LYPD5: variants seen among roughly 807,000 people sequenced by gnomAD.
LYPD5 encodes the protein ly6/PLAUR domain-containing protein 5.
In LYPD5, 21 loss-of-function variants were observed where a neutral mutation model predicts 19.1. That is an observed-to-expected ratio of 1.10 (90% confidence interval 0.78 to 1.58). The LOEUF is 1.58. Among genes scored for constraint, LYPD5 ranks in the 40% most tolerant of loss-of-function variants. The probability of loss-of-function intolerance (pLI) is 0.00; values close to 1 mark genes in which losing one functional copy is unlikely to be tolerated. For missense variants in LYPD5, 287 were observed against 329.8 expected (o/e 0.87, Z 1.00); for synonymous variants, 128 against 142.7 (o/e 0.90, Z 0.74).
upstream of LYPD5, among the ~76,000 whole-genome samples, chr19:43,804,798 C>T (rs1970256851): frequency 6.6e-6 from 1 of 152,126 alleles, no homozygotes; most frequent in South Asian, 2.1e-4. Flanking sequence ...AGAGTGGAGT[C>T]TGGCCAGGAA....
At chr19:43,810,259 T>C (rs1295569398) in intron 1 of LYPD5, among the ~76,000 whole-genome samples, 1 of 152,144 alleles carries the variant, frequency 6.6e-6, no homozygotes, top group African/African-American at 2.4e-5. Context: ...CTTGCCTTAT[T>C]GTATAGGCTA....
intron 1 of LYPD5, among the ~76,000 whole-genome samples, chr19:43,813,283 T>C (rs949587135): frequency 6.6e-6 from 1 of 152,106 alleles, no homozygotes; most frequent in Non-Finnish European, 1.5e-5. Context: ...ATGCAAGATC[T>C]GGTTGTTAAA....
At chr19:43,819,606 G>T (rs576926760) in intron 1 of LYPD5, among the ~76,000 whole-genome samples, 2 of 152,032 alleles carry the variant, frequency 1.3e-5, no homozygotes, top group Admixed American at 1.3e-4. Flanking sequence ...CTAGACCCCC[G>T]TTGGAAAAAA....
At chr19:43,798,637 G>A in intron 3 of LYPD5, 36 bp from the exon 4 acceptor site, 1 of 1,609,754 alleles carries the variant, frequency 6.2e-7, no homozygotes, top group Non-Finnish European at 8.5e-7. Context: ...TCAGGCAGTG[G>A]TACCCTGGCA....
intron 1 of LYPD5, among the ~76,000 whole-genome samples, chr19:43,818,407 T>C (rs1970391253): frequency 6.6e-6 from 1 of 152,188 alleles, no homozygotes; most frequent in Non-Finnish European, 1.5e-5. Context: ...CTGCTTGCTA[T>C]CAAGTGTAAT....
chr19:43,816,575 C>A lies in LYPD5; in HGVS notation c.-66+3965G>T, dbSNP rs1446115799. On this transcript the variant is annotated intron_variant, in intron 1 of 4. Coordinates refer to the LYPD5 transcript ENST00000414615. The stretch of plus-strand genomic sequence containing the variant: ...AGATCATTAAGCACATACTAAGGAC[C>A]AAAAACTAGGTTGGTCAACTCCAGT... Among the ~76,000 whole-genome samples the A allele has an allele frequency of 3.9e-5, 6 of 152,164 alleles. No homozygotes were observed. The South Asian group carries it at 8.3e-4, about 21-fold the overall frequency.
upstream of LYPD5, among the ~76,000 whole-genome samples, chr19:43,805,838 G>A (rs151311275): frequency 5.0e-3 from 757 of 152,190 alleles, no homozygotes; most frequent in Non-Finnish European, 8.2e-3. Context: ...CATTCTTCCT[G>A]CAGCATCAAT....
chr19:43,798,525 G>A lies in LYPD5; in HGVS notation c.447C>T (p.Gly149=). The change falls in exon 4 of 5, where the codon GGC becomes GGT. Residue 149 remains glycine, a synonymous_variant. Transcript: ENST00000377950. ...IGVHQDDCAI[G]RSRRVQCHQD... Reference sequence around the variant, plus strand: ...GGTGACACTGGACTCGTCGGGACCTGCCGATAGCGCAGTCATCCTGGTGGA... The same window carrying A: ...GGTGACACTGGACTCGTCGGGACCTACCGATAGCGCAGTCATCCTGGTGGA... The A allele has an allele frequency of 6.2e-7, 1 of 1,611,808 alleles. No individual in the cohort carries two copies. Among genetic ancestry groups the A allele is most frequent in the Non-Finnish European group, 8.5e-7 (1 of 1,180,030 alleles).
chr19:43,807,067 G>A (rs554797217), upstream of LYPD5, among the ~76,000 whole-genome samples: 2 of 152,228 alleles, frequency 1.3e-5, no homozygotes, highest in East Asian at 1.9e-4. Flanking sequence ...TGGATACACC[G>A]CATTCTATTT....
chr19:43,810,564 C>T (rs1224679718), intron 1 of LYPD5, among the ~76,000 whole-genome samples: 2 of 113,092 alleles, frequency 1.8e-5, no homozygotes, highest in Admixed American at 9.8e-5. Context: ...CCTTCCCCTC[C>T]CCTCCCCTCC....
intron 1 of LYPD5, among the ~76,000 whole-genome samples, chr19:43,811,840 T>A (rs1256120915): frequency 6.6e-6 from 1 of 152,160 alleles, no homozygotes; most frequent in Non-Finnish European, 1.5e-5. Context: ...TTTGCCATAT[T>A]TGCTTATTCT....
At chr19:43,818,252 T>G (rs536812109) in intron 1 of LYPD5, among the ~76,000 whole-genome samples, 2 of 152,164 alleles carry the variant, frequency 1.3e-5, no homozygotes, top group South Asian at 4.1e-4. Flanking sequence ...TTAGCTTACA[T>G]TGCCTACAGG....
At chr19:43,798,021 T>C (rs1342473692) in intron 4 of LYPD5, among the ~76,000 whole-genome samples, 192 bp from the exon 5 acceptor site, 4 of 150,928 alleles carry the variant, frequency 2.7e-5, no homozygotes, top group Admixed American at 1.3e-4. Flanking sequence ...GCCTCCTCCC[T>C]CAGACCAGGG....
intron 1 of LYPD5, among the ~76,000 whole-genome samples, chr19:43,814,776 CTGTG>C (rs745577521): frequency 4.3e-4 from 65 of 152,312 alleles, no homozygotes; most frequent in South Asian, 1.5e-3. Context: ...TCTGAGCTGT[CTGTG>C]TGTGTAACTC....
chr19:43,802,721 T>A (rs1970238959), upstream of LYPD5, among the ~76,000 whole-genome samples: 1 of 151,688 alleles, frequency 6.6e-6, no homozygotes, highest in Admixed American at 6.6e-5. Context: ...TTCCCTTCCC[T>A]CCCCCTACCC....
At position 43,797,460 on chromosome 19, in the gene LYPD5, G is replaced by C; in HGVS notation, c.*131C>G. On this transcript the variant is annotated 3_prime_UTR_variant, in exon 5 of 5. Coordinates refer to ENST00000377950, the MANE Select transcript of LYPD5 (RefSeq NM_001031749.3). ...CAGGTTGTGGGGCACAAGGGCGGGA[G>C]AGATGGAAGGCCAGAGGGACAGGAG... 1.3e-6 allele frequency: 1 copy of C among 776,640 alleles called. No individual in the cohort carries two copies. Among genetic ancestry groups the C allele is most frequent in the Non-Finnish European group, 2.1e-6 (1 of 476,114 alleles). The allele number at this position is 776,640 out of a possible 1,614,324, so 48.1% of individuals were successfully genotyped here.
intron 2 of LYPD5, 56 bp from the exon 3 acceptor site, chr19:43,799,044 C>G: frequency 6.7e-7 from 1 of 1,496,938 alleles, no homozygotes; most frequent in Non-Finnish European, 8.9e-7. Flanking sequence ...TCCCTCCAGT[C>G]TCAGCGTTCT....
chr19:43,810,899 G>A (rs1970317760), intron 1 of LYPD5, among the ~76,000 whole-genome samples: 1 of 151,886 alleles, frequency 6.6e-6, no homozygotes, highest in Non-Finnish European at 1.5e-5. Context: ...CAAAGGACTG[G>A]GATTACAGGC....
In LYPD5 at chr19:43,798,597, G is replaced by A; in HGVS notation, c.375C>T (p.Pro125=). 6.2e-7 allele frequency: 1 copy of A among 1,610,174 alleles called. No homozygotes were observed. Among genetic ancestry groups the A allele is most frequent in the Non-Finnish European group, 8.5e-7 (1 of 1,180,010 alleles). ...HDALPNLSQA[P]DPPTLSGAEC... ...CGGCGCCGCTGAGCGTCGGCGGGTC[G>A]GGTGCTGGCAAGAGAGCGTAGATGC... The change falls in exon 4 of 5, where the codon CCC becomes CCT. Residue 125 remains proline (P), a synonymous_variant. Coordinates refer to ENST00000377950, the MANE Select transcript of LYPD5 (RefSeq NM_001031749.3).
Sources: allele counts gnomAD v4.1 joint callset (sites outside exome capture counted in the v4.1 genomes callset), GRCh38; gene constraint gnomAD v4.1.1; transcripts MANE v1.5; gene names NCBI Gene and HGNC (gene_info 2026-07-23, HGNC 2026-07-21).